The following TTF2 variants were observed in gnomAD, a reference collection of about 807,000 sequenced individuals.
TTF2 encodes the protein transcription termination factor 2, also known as RNA polymerase II termination factor.
Under a neutral mutation model 142.4 loss-of-function variants are expected in TTF2, and 108 were observed. The ratio of observed to expected loss-of-function variants is 0.76; its 90% CI spans 0.65 to 0.89. The LOEUF (loss-of-function observed/expected upper bound fraction) is 0.89. TTF2 is among the 40% of genes least tolerant of loss of function. TTF2 has a pLI of 0.00. For missense variants in TTF2, 1,327 were observed against 1,379.8 expected (o/e 0.96, Z 0.61); for synonymous variants, 483 against 506.2 (o/e 0.95, Z 0.61).
At position 117,106,737 on chromosome 1, in the gene TTF2, C is replaced by T. The variant is rs1490177442; in HGVS notation, c.*5213C>T. 1.3e-5 allele frequency: 2 copies of T among 152,190 alleles called. No individual in the cohort carries two copies. Among genetic ancestry groups the T allele is most frequent in the Non-Finnish European group, 2.9e-5 (2 of 68,038 alleles). 9.4% of individuals were successfully genotyped at this position (152,190 alleles called of 1,614,324 possible). A position where few individuals can be genotyped will look rare whatever the true frequency, so the allele number is the denominator to read the frequency against. On this transcript the variant is annotated 3_prime_UTR_variant, in exon 23 of 23. Transcript: ENST00000369466. ...AAGAATGGAAATCAATATGTAAGAG[C>T]TCACAAGTCAGAGTGAGATGTTTCT... is the stretch of plus-strand genomic sequence containing the variant.
rs1322551373 is a variant in TTF2, at chr1:117,093,885, A to G, written c.2976+984A>G. Among the ~76,000 whole-genome samples the G allele has an allele frequency of 1.3e-5, 2 of 152,224 alleles. No individual in the cohort carries two copies. The highest frequency in any genetic ancestry group is 2.9e-5 in the Non-Finnish European group (2 of 68,030). ...CACATACGGTTGTTTCAAGTAGGGAAGGAGGCTTCTTACTGGAATTTGACC... is the reference window on the plus strand; with the variant it reads ...CACATACGGTTGTTTCAAGTAGGGAGGGAGGCTTCTTACTGGAATTTGACC... On this transcript the variant is annotated intron_variant, in intron 18 of 22. Coordinates refer to ENST00000369466, the MANE Select transcript of TTF2 (RefSeq NM_003594.4). The surrounding 1 kb of genome is among the most constrained non-coding windows in gnomAD (Gnocchi z 4.5).
chr1:117,082,245 G>A (rs1220840260), intron 10 of TTF2, among the ~76,000 whole-genome samples: 2 of 151,944 alleles, frequency 1.3e-5, no homozygotes, highest in African/African-American at 2.4e-5. Context: ...ACAGGGTCTC[G>A]CTCTGTTGCT....
chr1:117,104,302 A>T lies in TTF2; in HGVS notation c.*2778A>T, dbSNP rs1048940236. ...GCATGTATCTCATGCTCCACTGGGA[A>T]TTTCATAGCAAATATATATACTACA... On this transcript the variant is annotated 3_prime_UTR_variant, in exon 23 of 23. Coordinates refer to ENST00000369466, the MANE Select transcript of TTF2 (RefSeq NM_003594.4). 1.3e-5 allele frequency: 2 copies of T among 152,218 alleles called. No individual in the cohort carries two copies. Among genetic ancestry groups the T allele is most frequent in the Non-Finnish European group, 2.9e-5 (2 of 68,042 alleles). The allele number at this position is 152,218 out of a possible 1,614,324, so 9.4% of individuals were successfully genotyped here.
chr1:117,076,726 C>G lies in TTF2; in HGVS notation c.1476C>G (p.Pro492=), dbSNP rs374300814. ...TTTGPPHLVP[P]QPLPRRGTQP... Reference sequence around the variant, plus strand: ...CTGGCCCTCCCCACCTGGTGCCTCCCCAACCCCTTCCTCGTCGTGGTACCC... The same window carrying G: ...CTGGCCCTCCCCACCTGGTGCCTCCGCAACCCCTTCCTCGTCGTGGTACCC... Residue 492 remains proline (P), a synonymous_variant, in exon 7 of 23, where the codon CCC becomes CCG. Transcript: ENST00000369466. This position sits in a 1 kb window ranked among gnomAD's most constrained non-coding sequence, Gnocchi z 4.6. The G allele has an allele frequency of 5.0e-4, 802 of 1,614,162 alleles. 9 individuals are homozygous for G. The South Asian group carries it at 7.8e-3, about 16-fold the overall frequency.
chr1:117,088,758 A>C, intron 12 of TTF2, 43 bp from the exon 13 acceptor site: 1 of 1,597,616 alleles, frequency 6.3e-7, no homozygotes, highest in Non-Finnish European at 8.5e-7. Context: ...GGACATGTAC[A>C]TTTTCCCATA....
In TTF2 at chr1:117,092,915, C is replaced by G. The variant is rs763796270; in HGVS notation, c.2976+14C>G. 1 of 1,613,942 alleles carries G rather than the reference C, an allele frequency of 6.2e-7. No individual in the cohort carries two copies. The highest frequency in any genetic ancestry group is 8.5e-7 in the Non-Finnish European group (1 of 1,179,942). ...GAGAGCACCAAGGTACTTTTTGTCT[C>G]CTCTGTAGTAGTCGAGAGACTTCGA... On this transcript the variant is annotated intron_variant, in intron 18 of 22. Coordinates refer to ENST00000369466, the MANE Select transcript of TTF2 (RefSeq NM_003594.4). The surrounding 1 kb of genome is among the most constrained non-coding windows in gnomAD (Gnocchi z 4.4).
Position 117,076,410 on chromosome 1 carries a change from C to A in TTF2, c.1390+116C>A. The A allele has an allele frequency of 1.1e-6, 1 of 934,500 alleles. No homozygotes were observed. Among genetic ancestry groups the A allele is most frequent in the Non-Finnish European group, 1.6e-6 (1 of 624,862 alleles). The allele number at this position is 934,500 out of a possible 1,614,324, so 57.9% of individuals were successfully genotyped here. ...ATTCACTTTTCCATTTTATTATCTG[C>A]TTCTGAGACTTCTTTCACATTACAC... On this transcript the variant is annotated intron_variant, in intron 6 of 22. Coordinates refer to ENST00000369466, the MANE Select transcript of TTF2 (RefSeq NM_003594.4). This position sits in a 1 kb window ranked among gnomAD's most constrained non-coding sequence, Gnocchi z 4.6.
At chr1:117,064,619 G>A (rs749988730) in intron 3 of TTF2, among the ~76,000 whole-genome samples, 1 of 152,126 alleles carries the variant, frequency 6.6e-6, no homozygotes, top group Non-Finnish European at 1.5e-5. Flanking sequence ...CTGGGTTCAA[G>A]CAATTCTTAT....
intron 3 of TTF2, among the ~76,000 whole-genome samples, chr1:117,067,434 G>T (rs1348287053): frequency 7.0e-6 from 1 of 143,328 alleles, no homozygotes; most frequent in Non-Finnish European, 1.5e-5. Context: ...GTAGGCAGGA[G>T]AATCACTTTG....
chr1:117,096,718 C>T (rs750809366), intron 20 of TTF2, among the ~76,000 whole-genome samples: 10 of 152,218 alleles, frequency 6.6e-5, no homozygotes, highest in Non-Finnish European at 1.2e-4. Context: ...AAAATATTTA[C>T]AGCCTTGATT....
In TTF2 at chr1:117,070,726, AAAATT is replaced by A. The variant is rs1420319499; in HGVS notation, c.219-2931_219-2927del. On this transcript the variant is annotated intron_variant, in intron 3 of 22. Transcript: ENST00000369466. This position sits in a 1 kb window ranked among gnomAD's most constrained non-coding sequence, Gnocchi z 4.2. ...AATATAATATCCTATTGCAATGAGAAAAATTAAAGAAACCAGTAAGATTTTAAAAA... is the reference window on the plus strand; with the variant it reads ...AATATAATATCCTATTGCAATGAGAAAAAGAAACCAGTAAGATTTTAAAAA... Among the ~76,000 whole-genome samples the A allele has an allele frequency of 3.3e-5, 5 of 152,220 alleles. No individual in the cohort carries two copies. The highest frequency in any genetic ancestry group is 7.3e-5 in the Non-Finnish European group (5 of 68,040).
Position 117,076,690 on chromosome 1 carries a change from C to T in TTF2, c.1440C>T (p.Thr480=), listed in dbSNP as rs1471533942. The change falls in exon 7 of 23, where the codon ACC becomes ACT. Residue 480 remains threonine (T), a synonymous_variant. Coordinates refer to ENST00000369466, the MANE Select transcript of TTF2 (RefSeq NM_003594.4). The surrounding 1 kb of genome is among the most constrained non-coding windows in gnomAD (Gnocchi z 4.6). The stretch of plus-strand genomic sequence containing the variant: ...AAGTACCACAGCAGAGTCACTTCAC[C>T]AAAACTACCACTGGCCCTCCCCACC... ...NSQVPQQSHF[T]KTTTGPPHLV... 1.9e-6 allele frequency: 3 copies of T among 1,613,966 alleles called. No individual in the cohort carries two copies. The highest frequency in any genetic ancestry group is 2.2e-5 in the South Asian group (2 of 91,030).
intron 15 of TTF2, 49 bp from the exon 16 acceptor site, chr1:117,091,279 T>C: frequency 1.3e-6 from 2 of 1,519,922 alleles, no homozygotes; most frequent in Admixed American, 1.9e-5. Context: ...GTTAAGCAGG[T>C]CTTAGTGACC....
Position 117,101,576 on chromosome 1 carries a change from TCTGGGAATAACAACCTAACCATG to T in TTF2, c.*53_*75del. 1 of 1,483,692 alleles carries T rather than the reference TCTGGGAATAACAACCTAACCATG, an allele frequency of 6.7e-7. No homozygotes were observed. Among genetic ancestry groups the T allele is most frequent in the South Asian group, 1.5e-5 (1 of 68,256 alleles). The allele number at this position is 1,483,692 out of a possible 1,614,324, so 91.9% of individuals were successfully genotyped here. The stretch of plus-strand genomic sequence containing the variant: ...GCACCATTGCTGGTTTGTATTAGGA[TCTGGGAATAACAACCTAACCATG>T]AGCCTTGAACTCTGTTCTTTGCATT... On this transcript the variant is annotated 3_prime_UTR_variant, in exon 23 of 23. Coordinates refer to ENST00000369466, the MANE Select transcript of TTF2 (RefSeq NM_003594.4). The surrounding 1 kb of genome is among the most constrained non-coding windows in gnomAD (Gnocchi z 5.9).
At position 117,085,097 on chromosome 1, in the gene TTF2, A is replaced by T. The variant is rs1367346686; in HGVS notation, c.2054+929A>T. Among the ~76,000 whole-genome samples the T allele has an allele frequency of 5.9e-5, 9 of 152,104 alleles. No individual in the cohort carries two copies. In the East Asian group the frequency reaches 1.7e-3, roughly 29 times the overall value. On this transcript the variant is annotated intron_variant, in intron 11 of 22. Transcript: ENST00000369466. This position sits in a 1 kb window ranked among gnomAD's most constrained non-coding sequence, Gnocchi z 4.7. Reference sequence around the variant, plus strand: ...TTTATTTAGAAATAAATTGAATCTCACTTGATTTGTACTTTGAGCCTAACT... The same window carrying T: ...TTTATTTAGAAATAAATTGAATCTCTCTTGATTTGTACTTTGAGCCTAACT...
Position 117,089,270 on chromosome 1 carries a change from A to C in TTF2, c.2342+288A>C, listed in dbSNP as rs1015195904. 2.4e-3 allele frequency among the ~76,000 whole-genome samples: 355 copies of C among 150,872 alleles called. 4 individuals are homozygous for C. Among genetic ancestry groups the C allele is most frequent in the African/African-American group, 8.3e-3 (343 of 41,174 alleles). ...ATATGCAAATATATGCTATATATAT[A>C]TATATATGCAAAAATTATTCTTAAG... On this transcript the variant is annotated intron_variant, in intron 13 of 22. Transcript: ENST00000369466.
At position 117,097,002 on chromosome 1, in the gene TTF2, C is replaced by T. The variant is rs1649208380; in HGVS notation, c.3187-349C>T. Among the ~76,000 whole-genome samples, 1 of 152,062 alleles carries T rather than the reference C, an allele frequency of 6.6e-6. No individual in the cohort carries two copies. The highest frequency in any genetic ancestry group is 2.4e-5 in the African/African-American group (1 of 41,418). On this transcript the variant is annotated intron_variant, in intron 20 of 22. Transcript: ENST00000369466. The surrounding 1 kb of genome is among the most constrained non-coding windows in gnomAD (Gnocchi z 4.1). ...ATGATAGGCAGGAGAATTATTGTAG[C>T]AATGGAGGGGTAGGGACTGATGAAA...
At chr1:117,096,760 A>G (rs1205267139) in intron 20 of TTF2, among the ~76,000 whole-genome samples, 2 of 152,250 alleles carry the variant, frequency 1.3e-5, no homozygotes, top group African/African-American at 4.8e-5. Context: ...TTAGACATGT[A>G]TTGGGATACT....
rs544390826 is a variant in TTF2 at position 117,092,628 on chromosome 1, A to T, written c.2806-103A>T. ...GGAGTTACTGATGACAAATTACAAG[A>T]TATTTTGCTCTGTGAAGTGGTAAAC... On this transcript the variant is annotated intron_variant, in intron 17 of 22. Transcript: ENST00000369466. The surrounding 1 kb of genome is among the most constrained non-coding windows in gnomAD (Gnocchi z 4.4). The T allele has an allele frequency of 1.3e-5, 17 of 1,294,518 alleles. No homozygotes were observed. The African/African-American group carries it at 2.4e-4, about 18-fold the overall frequency. The allele number at this position is 1,294,518 out of a possible 1,614,324, so 80.2% of individuals were successfully genotyped here. A position where few individuals can be genotyped will look rare whatever the true frequency, so the allele number is the denominator to read the frequency against.
Sources: allele counts gnomAD v4.1 joint callset (sites outside exome capture counted in the v4.1 genomes callset), GRCh38; gene constraint gnomAD v4.1.1; non-coding constraint Gnocchi (gnomAD v3.1); transcripts MANE v1.5; gene names NCBI Gene and HGNC (gene_info 2026-07-23, HGNC 2026-07-21).